ZAR1: variants seen among roughly 807,000 people sequenced by gnomAD.
ZAR1 encodes the protein zygote arrest 1.
ZAR1 carries 37 observed loss-of-function variants against 38.3 expected under a neutral mutation model. That is an observed-to-expected ratio of 0.97 (90% CI 0.74 to 1.27). ZAR1 has a LOEUF of 1.27. Among genes scored for constraint, ZAR1 ranks in the 50% most tolerant of loss-of-function variants. ZAR1 has a pLI of 0.00. For missense variants in ZAR1, 651 were observed against 632.4 expected, an observed-to-expected ratio of 1.03 and a Z score of -0.32; for synonymous variants, 336 against 292.0, an observed-to-expected ratio of 1.15 and a Z score of -1.53.
At position 48,490,753 on chromosome 4, in the gene ZAR1, G is replaced by T; in HGVS notation, c.462G>T (p.Gln154His). The T allele has an allele frequency of 7.0e-7, 1 of 1,428,376 alleles. No individual in the cohort carries two copies. Among genetic ancestry groups the T allele is most frequent in the East Asian group, 2.9e-5 (1 of 34,976 alleles). The allele number at this position is 1,428,376 out of a possible 1,614,324, so 88.5% of individuals were successfully genotyped here. The change falls in exon 1 of 4, where the codon CAG becomes CAT. Residue 154 changes from glutamine (Q) to histidine (H), a missense_variant. Around this residue, in one of 2 missense-constraint regions of ZAR1, gnomAD observed 522 missense variants for 459.9 expected, o/e 1.14. Coordinates refer to ENST00000327939, the MANE Select transcript of ZAR1 (RefSeq NM_175619.3). ...CGGGTGGCGGCTCTTTCTCCCAGCA[G>T]CCATCCCGTCGAGGCCTGGAGCAGG... is the stretch of plus-strand genomic sequence containing the variant. The part of the protein sequence containing the change: ...GTTGGGSFSQ[Q>H]PSRRGLEQGS...
At chr4:48,493,361 G>A (rs932558468) in intron 3 of ZAR1, among the ~76,000 whole-genome samples, 6 of 152,160 alleles carry the variant, frequency 3.9e-5, no homozygotes, top group African/African-American at 1.2e-4. Context: ...TTACCGAAAC[G>A]CTTCTTATGA....
Position 48,491,033 on chromosome 4 carries a change from G to T in ZAR1, c.742G>T (p.Ala248Ser). 2 of 1,360,480 alleles carry T rather than the reference G, an allele frequency of 1.5e-6. No individual in the cohort carries two copies. Among genetic ancestry groups the T allele is most frequent in the Non-Finnish European group, 1.9e-6 (2 of 1,061,830 alleles). 84.3% of individuals were successfully genotyped at this position (1,360,480 alleles called of 1,614,324 possible). Reference sequence around the variant, plus strand: ...CGACGACGACGGCGAGGCCCAGGCCGCAGTCCGAGCGAGCTGGGAGCAGCC... The same window carrying T: ...CGACGACGACGGCGAGGCCCAGGCCTCAGTCCGAGCGAGCTGGGAGCAGCC... ...QSDDDGEAQA[A>S]VRASWEQPAD... Residue 248 changes from alanine (A) to serine (S), a missense_variant, in exon 1 of 4, where the codon GCA becomes TCA. Physicochemically the swap from Ala to Ser is moderately conservative, Grantham distance 99. Coordinates refer to ENST00000327939, the MANE Select transcript of ZAR1 (RefSeq NM_175619.3).
At position 48,494,118 on chromosome 4, in the gene ZAR1, A is replaced by G. The variant is rs1021693054; in HGVS notation, c.1149A>G (p.Arg383=). The G allele has an allele frequency of 3.7e-6, 6 of 1,613,404 alleles. No individual in the cohort carries two copies. The African/African-American group carries it at 8.0e-5, about 22-fold the overall frequency. The change falls in exon 4 of 4, where the codon AGA becomes AGG. Residue 383 remains arginine, a synonymous_variant. Transcript: ENST00000327939. ...TCCCCCAGAGTTGTAAACAAACGAG[A>G]TGTTCCTGCCCAGTAAAACTTCGCC... is the stretch of plus-strand genomic sequence containing the variant. ...DITCQSCKQT[R]CSCPVKLRHV...
intron 1 of ZAR1, 94 bp from the exon 2 acceptor site, chr4:48,492,672 C>T (rs1185356708): frequency 3.9e-6 from 5 of 1,267,198 alleles, no homozygotes; most frequent in South Asian, 1.3e-5. Flanking sequence ...TCTGAAGTTG[C>T]CAATTTCAAA....
chr4:48,494,674 A>AGT (rs1176171153), downstream of ZAR1, among the ~76,000 whole-genome samples: 5 of 144,512 alleles, frequency 3.5e-5, no homozygotes, highest in Non-Finnish European at 7.5e-5. Context: ...TGGGTGACAG[A>AGT]GTGAGACTCC....
intron 1 of ZAR1, among the ~76,000 whole-genome samples, 180 bp downstream of exon 1, chr4:48,491,434 A>C (rs1302666218): frequency 6.6e-6 from 1 of 152,154 alleles, no homozygotes; most frequent in Non-Finnish European, 1.5e-5. Context: ...GCACAGTCTC[A>C]TGTCCCCGAC....
intron 1 of ZAR1, among the ~76,000 whole-genome samples, chr4:48,491,582 C>G (rs1266318118): frequency 6.6e-6 from 1 of 152,236 alleles, no homozygotes; most frequent in Non-Finnish European, 1.5e-5. Context: ...GGTTGGATTA[C>G]CTATCAGTAG....
rs567453019 is a variant in ZAR1 at position 48,490,888 on chromosome 4, C to T, written c.597C>T (p.Pro199=). The T allele has an allele frequency of 5.0e-6, 7 of 1,401,108 alleles. No homozygotes were observed. The highest frequency in any genetic ancestry group is 2.4e-4 in the Middle Eastern group (1 of 4,150). 86.8% of individuals were successfully genotyped at this position (1,401,108 alleles called of 1,614,324 possible). The part of the protein sequence containing the change: ...RLTAFLEGPG[P]AAGEQRSGAS... Reference sequence around the variant, plus strand: ...CCGCCTTCCTGGAGGGGCCCGGGCCCGCGGCGGGCGAGCAGAGGTCCGGGG... The same window carrying T: ...CCGCCTTCCTGGAGGGGCCCGGGCCTGCGGCGGGCGAGCAGAGGTCCGGGG... Residue 199 remains proline (P), a synonymous_variant, in exon 1 of 4, where the codon CCC becomes CCT. Coordinates refer to ENST00000327939, the MANE Select transcript of ZAR1 (RefSeq NM_175619.3).
downstream of ZAR1, among the ~76,000 whole-genome samples, chr4:48,496,737 C>T (rs76127460): frequency 6.6e-6 from 1 of 152,138 alleles, no homozygotes; most frequent in Non-Finnish European, 1.5e-5. Context: ...TCCAAGATGT[C>T]TCTGGGTATC....
Position 48,490,411 on chromosome 4 carries a change from G to T in ZAR1, c.120G>T (p.Trp40Cys). The T allele has an allele frequency of 4.0e-6, 6 of 1,489,824 alleles. No individual in the cohort carries two copies. The highest frequency in any genetic ancestry group is 5.3e-6 in the Non-Finnish European group (6 of 1,123,820). 92.3% of individuals were successfully genotyped at this position (1,489,824 alleles called of 1,614,324 possible). Reference sequence around the variant, plus strand: ...GCAAGGGCGCGGCGGGCGGCAGCTGGCAGCAGCGCGGCAGGGGCTGCCTTC... The same window carrying T: ...GCAAGGGCGCGGCGGGCGGCAGCTGTCAGCAGCGCGGCAGGGGCTGCCTTC... ...TKGKGAAGGS[W>C]QQRGRGCLPA... Residue 40 changes from tryptophan to cysteine, a missense_variant, in exon 1 of 4, where the codon TGG becomes TGT. Trp to Cys is a radical substitution (Grantham distance 215, BLOSUM62 -2). Around this residue, in one of 2 missense-constraint regions of ZAR1, gnomAD observed 522 missense variants for 459.9 expected, o/e 1.14. Coordinates refer to ENST00000327939, the MANE Select transcript of ZAR1 (RefSeq NM_175619.3).
chr4:48,493,144 A>T, intron 3 of ZAR1, 132 bp downstream of exon 3: 1 of 748,866 alleles, frequency 1.3e-6, no homozygotes, highest in Non-Finnish European at 2.2e-6. Flanking sequence ...TAGGAGTGGT[A>T]GAAACAATAC....
At chr4:48,494,992 A>C (rs1407686003), downstream of ZAR1, among the ~76,000 whole-genome samples, 2 of 152,192 alleles carry the variant, frequency 1.3e-5, no homozygotes, top group African/African-American at 4.8e-5. Context: ...ATAACCTATC[A>C]AGTAGACTTT....
chr4:48,493,498 C>T (rs971568331), intron 3 of ZAR1, among the ~76,000 whole-genome samples: 3 of 152,176 alleles, frequency 2.0e-5, no homozygotes, highest in African/African-American at 7.2e-5. Flanking sequence ...GGTAAGCAAG[C>T]AATATGTTAA....
At position 48,490,485 on chromosome 4, in the gene ZAR1, G is replaced by A. The variant is rs1364087836; in HGVS notation, c.194G>A (p.Gly65Asp). Residue 65 changes from glycine (G) to aspartate (D), a missense_variant, in exon 1 of 4, where the codon GGC (glycine) becomes GAC (aspartate). Gly to Asp is a moderately conservative substitution (Grantham distance 94). Coordinates refer to ENST00000327939, the MANE Select transcript of ZAR1 (RefSeq NM_175619.3). Reference protein sequence around the residue: ...SAGAASLSFPGCGRLTAAEYF... With the variant: ...SAGAASLSFPDCGRLTAAEYF... ...GGCGCGGCCTCGTTGTCCTTCCCGG[G>A]CTGCGGGCGGCTGACGGCCGCCGAG... 3 of 1,468,360 alleles carry A rather than the reference G, an allele frequency of 2.0e-6. No individual in the cohort carries two copies. The highest frequency in any genetic ancestry group is 1.3e-5 in the South Asian group (1 of 75,354). 91.0% of individuals were successfully genotyped at this position (1,468,360 alleles called of 1,614,324 possible).
chr4:48,495,281 TA>T (rs1364516530), downstream of ZAR1, among the ~76,000 whole-genome samples: 3 of 152,252 alleles, frequency 2.0e-5, no homozygotes, highest in African/African-American at 7.2e-5. Flanking sequence ...AGAAACCATA[TA>T]ATTGGAACCA....
At chr4:48,493,142 G>A in intron 3 of ZAR1, 130 bp downstream of exon 3, 1 of 762,778 alleles carries the variant, frequency 1.3e-6, no homozygotes, top group Non-Finnish European at 2.1e-6. Context: ...GTTAGGAGTG[G>A]TAGAAACAAT....
At chr4:48,494,026 T>C (rs1718516231) in intron 3 of ZAR1, 75 bp from the exon 4 acceptor site, 1 of 1,541,674 alleles carries the variant, frequency 6.5e-7, no homozygotes, top group Non-Finnish European at 8.8e-7. Flanking sequence ...TTGAATGGAC[T>C]AGAAAAATGT....
chr4:48,491,393 C>A, intron 1 of ZAR1, 139 bp downstream of exon 1: 1 of 577,128 alleles, frequency 1.7e-6, no homozygotes, highest in Non-Finnish European at 2.6e-6. Flanking sequence ...TCCGAGACAG[C>A]CAATGACCGC....
rs760077753 is a variant in ZAR1 at position 48,490,359 on chromosome 4, G to A, written c.68G>A (p.Arg23Gln). Residue 23 changes from arginine (R) to glutamine (Q), a missense_variant, in exon 1 of 4, where the codon CGG becomes CAG. Around this residue, in one of 2 missense-constraint regions of ZAR1, gnomAD observed 522 missense variants for 459.9 expected, o/e 1.14. Coordinates refer to ENST00000327939, the MANE Select transcript of ZAR1 (RefSeq NM_175619.3). ...CCGGCGTGCCCCCCCTGCTCGTACC[G>A]GTACCCATACCCCGCGGCCACCAAG... ...VFPACPPCSYRYPYPAATKGK... is the reference protein window; with the variant it reads ...VFPACPPCSYQYPYPAATKGK... The A allele has an allele frequency of 9.3e-6, 14 of 1,511,550 alleles. No individual in the cohort carries two copies. The highest frequency in any genetic ancestry group is 6.1e-5 in the South Asian group (5 of 81,942). The allele number at this position is 1,511,550 out of a possible 1,614,324, so 93.6% of individuals were successfully genotyped here. A position where few individuals can be genotyped will look rare whatever the true frequency, so the allele number is the denominator to read the frequency against.
Sources: allele counts gnomAD v4.1 joint callset (sites outside exome capture counted in the v4.1 genomes callset), GRCh38; gene constraint gnomAD v4.1.1; regional missense constraint gnomAD v4.1.1; transcripts MANE v1.5; gene names NCBI Gene and HGNC (gene_info 2026-07-23, HGNC 2026-07-21).